Variants in SLC4A10 observed in about 807,000 individuals in gnomAD.
The protein encoded by SLC4A10 is sodium-driven chloride bicarbonate exchanger.
SLC4A10 carries 42 observed loss-of-function variants against 137.7 expected under a neutral mutation model. The ratio of observed to expected loss-of-function variants is 0.30; its 90% CI spans 0.24 to 0.39. SLC4A10 has a LOEUF of 0.39. Among genes scored for constraint, SLC4A10 ranks in the 10% least tolerant of loss-of-function variants. SLC4A10 has a pLI of 1.00. For synonymous variants in SLC4A10, 474 were observed against 464.1 expected (o/e 1.02, Z -0.27); for missense variants, 925 against 1,355.0 (o/e 0.68, Z 4.98).
rs1575833873 is a variant in SLC4A10, at chr2:161,956,416, AT to A, written c.2542-572del. Among the ~76,000 whole-genome samples the A allele has an allele frequency of 3.3e-5, 5 of 152,310 alleles. No homozygotes were observed. The East Asian group carries it at 5.8e-4, about 18-fold the overall frequency. On this transcript the variant is annotated intron_variant, in intron 19 of 26. Coordinates refer to ENST00000446997, the MANE Select transcript of SLC4A10 (RefSeq NM_001178015.2). ...TTAAAAATAAAAGGTGGAACATAAA[AT>A]AGGCCATCCCTTTGGCTGCTTCTGA...
Position 161,862,864 on chromosome 2 carries a change from T to A in SLC4A10, c.578-10T>A, listed in dbSNP as rs1385144235. 1 of 1,566,430 alleles carries A rather than the reference T, an allele frequency of 6.4e-7. No individual in the cohort carries two copies. The highest frequency in any genetic ancestry group is 1.8e-5 in the Admixed American group (1 of 55,256). On this transcript the variant is annotated splice_polypyrimidine_tract_variant and intron_variant, in intron 5 of 26. Transcript: ENST00000446997. ...GCTGTGCTTATCTTCTTCCGGCCTT[T>A]TCTCTTCAGATATGGTTCTTGACCA...
chr2:161,643,892 T>G (rs1450661583), intron 1 of SLC4A10, among the ~76,000 whole-genome samples: 1 of 152,096 alleles, frequency 6.6e-6, no homozygotes, highest in Non-Finnish European at 1.5e-5. Context: ...TGGGGTGGAT[T>G]CAAAATAAGA....
Position 161,640,065 on chromosome 2 carries a change from T to C in SLC4A10, c.48+15499T>C, listed in dbSNP as rs552224425. Among the ~76,000 whole-genome samples the C allele has an allele frequency of 3.9e-5, 6 of 152,338 alleles. No individual in the cohort carries two copies. In the South Asian group the frequency reaches 1.2e-3, roughly 32 times the overall value. ...TTCTCTTATTCTTTCTGCATTTAGATATTTGAAATCTGTGGAGAAGAACTG... is the reference window on the plus strand; with the variant it reads ...TTCTCTTATTCTTTCTGCATTTAGACATTTGAAATCTGTGGAGAAGAACTG... On this transcript the variant is annotated intron_variant, in intron 1 of 26. Transcript: ENST00000446997.
intron 26 of SLC4A10, among the ~76,000 whole-genome samples, chr2:161,979,340 GAACAATATA>G (rs1301996113): frequency 5.3e-5 from 8 of 152,162 alleles, no homozygotes; most frequent in African/African-American, 1.9e-4. Flanking sequence ...TGACTCTAGT[GAACAATATA>G]ATGTGCTTTA....
intron 2 of SLC4A10, among the ~76,000 whole-genome samples, chr2:161,795,573 G>A (rs142875328): frequency 2.4e-3 from 358 of 152,090 alleles, no homozygotes; most frequent in Non-Finnish European, 3.9e-3. Context: ...GTATGTGTGT[G>A]TGTGGTAAGA....
chr2:161,888,896 A>G (rs1471851349), intron 10 of SLC4A10, among the ~76,000 whole-genome samples: 3 of 152,302 alleles, frequency 2.0e-5, no homozygotes, highest in East Asian at 1.9e-4. Flanking sequence ...GCTTTTGCCT[A>G]TTCAGTATGA....
In SLC4A10 at chr2:161,984,816, C is replaced by A. The variant is rs557996059; in HGVS notation, c.*1664C>A. 2.0e-5 allele frequency: 3 copies of A among 152,098 alleles called. No homozygotes were observed. The South Asian group carries it at 6.2e-4, about 32-fold the overall frequency. 9.4% of individuals were successfully genotyped at this position (152,098 alleles called of 1,614,324 possible). ...TGTTGCCTTTGTGTATTTTATAATA[C>A]AGATACTACATTGTAAACATTTCCA... On this transcript the variant is annotated 3_prime_UTR_variant, in exon 27 of 27. Transcript: ENST00000446997.
chr2:161,864,095 G>A (rs1265781616), intron 6 of SLC4A10, among the ~76,000 whole-genome samples: 3 of 151,994 alleles, frequency 2.0e-5, no homozygotes, highest in Non-Finnish European at 2.9e-5. Flanking sequence ...CCAGCTACTC[G>A]GGAGACTGAG....
rs1295149066 is a variant in SLC4A10 at position 161,904,819 on chromosome 2, C to T, written c.1661C>T (p.Ala554Val). 6.2e-7 allele frequency: 1 copy of T among 1,613,934 alleles called. No individual in the cohort carries two copies. Among genetic ancestry groups the T allele is most frequent in the South Asian group, 1.1e-5 (1 of 91,076 alleles). Residue 554 changes from alanine (A) to valine (V), a missense_variant, in exon 14 of 27, where the codon GCC becomes GTC. By Grantham distance (64) the Ala-to-Val change is moderately conservative. Coordinates refer to ENST00000446997, the MANE Select transcript of SLC4A10 (RefSeq NM_001178015.2). ...SLFGASMTGIAYSLFGGQPLT... is the reference protein window; with the variant it reads ...SLFGASMTGIVYSLFGGQPLT... ...TTTGGAGCATCCATGACCGGGATAGCCTATTCTCTCTTTGGTGGACAGCCT... is the reference window on the plus strand; with the variant it reads ...TTTGGAGCATCCATGACCGGGATAGTCTATTCTCTCTTTGGTGGACAGCCT...
rs540212925 is a variant in SLC4A10, at chr2:161,946,051, G to A, written c.2104-1515G>A. Among the ~76,000 whole-genome samples the A allele has an allele frequency of 9.2e-5, 14 of 151,950 alleles. No individual in the cohort carries two copies. The South Asian group carries it at 1.9e-3, about 20-fold the overall frequency. Reference sequence around the variant, plus strand: ...GTGCAGAAGAGGATGAAAAACACAAGGATTCATTTTTGCCACCTTATCTAT... The same window carrying A: ...GTGCAGAAGAGGATGAAAAACACAAAGATTCATTTTTGCCACCTTATCTAT... On this transcript the variant is annotated intron_variant, in intron 16 of 26. Transcript: ENST00000446997.
At chr2:161,624,681 A>G in intron 1 of SLC4A10, 115 bp downstream of exon 1, 1 of 1,387,146 alleles carries the variant, frequency 7.2e-7, no homozygotes, top group Non-Finnish European at 9.9e-7. Context: ...GATAGCTCCT[A>G]CGACATATGG....
chr2:161,877,774 TA>T (rs1203914995), intron 8 of SLC4A10, among the ~76,000 whole-genome samples: 11 of 152,182 alleles, frequency 7.2e-5, no homozygotes, highest in African/African-American at 1.9e-4. Flanking sequence ...ATTTGTTAGA[TA>T]TTTTTATAGG....
intron 1 of SLC4A10, among the ~76,000 whole-genome samples, chr2:161,727,225 G>C (rs558009245): frequency 1.8e-4 from 27 of 152,270 alleles, no homozygotes; most frequent in African/African-American, 5.3e-4. Flanking sequence ...CAGTTACCAG[G>C]CAGGATATTG....
rs567800189 is a variant in SLC4A10, at chr2:161,845,051, T to C, written c.416+5124T>C. On this transcript the variant is annotated intron_variant, in intron 4 of 26. Transcript: ENST00000446997. ...CAAACAAATGTCAGCAGAGTTTATT[T>C]GAAAACTGGAACAAATTGCAGCACT... 1.2e-4 allele frequency among the ~76,000 whole-genome samples: 19 copies of C among 152,252 alleles called. 1 individual carries two copies. In the South Asian group the frequency reaches 1.4e-3, roughly 12 times the overall value.
intron 15 of SLC4A10, among the ~76,000 whole-genome samples, chr2:161,906,468 G>C (rs970357331): frequency 3.3e-5 from 5 of 152,150 alleles, no homozygotes; most frequent in African/African-American, 1.2e-4. Flanking sequence ...GATGTGATTG[G>C]ATCTATTGCT....
chr2:161,941,194 G>A (rs1295962995), intron 15 of SLC4A10, among the ~76,000 whole-genome samples: 2 of 152,136 alleles, frequency 1.3e-5, no homozygotes, highest in Admixed American at 6.6e-5. Flanking sequence ...CATTTCACCA[G>A]AGGCTCAAAA....
intron 1 of SLC4A10, among the ~76,000 whole-genome samples, chr2:161,644,385 A>G (rs2105513679): frequency 6.6e-6 from 1 of 152,212 alleles, no homozygotes; most frequent in South Asian, 2.1e-4. Context: ...AGTGCCAGCT[A>G]CACAGGAGGC....
intron 22 of SLC4A10, 37 bp from the exon 23 acceptor site, chr2:161,965,014 T>C (rs763955979): frequency 1.2e-5 from 19 of 1,584,588 alleles, no homozygotes; most frequent in Non-Finnish European, 1.6e-5. Context: ...CGTTTTAATT[T>C]TTTTTCCACT....
rs548516984 is a variant in SLC4A10 at position 161,624,713 on chromosome 2, G to A, written c.48+147G>A. ...ATGGACAGGGGTCTCCTCCCATCTT[G>A]GGAGACTGAAATGCATAAAGCAAAG... On this transcript the variant is annotated intron_variant, in intron 1 of 26. Coordinates refer to ENST00000446997, the MANE Select transcript of SLC4A10 (RefSeq NM_001178015.2). 6.4e-6 allele frequency: 7 copies of A among 1,088,284 alleles called. No homozygotes were observed. The South Asian group carries it at 9.0e-5, about 14-fold the overall frequency. The allele number at this position is 1,088,284 out of a possible 1,614,324, so 67.4% of individuals were successfully genotyped here.
Sources: gnomAD v4.1 joint callset for allele counts (sites outside exome capture counted in the v4.1 genomes callset) on GRCh38, gnomAD v4.1.1 for gene constraint, MANE v1.5 for transcripts, NCBI Gene and HGNC (gene_info 2026-07-23, HGNC 2026-07-21) for gene names.